SLC6A18: variants seen among roughly 807,000 people sequenced by gnomAD.
SLC6A18 encodes inactive sodium-dependent neutral amino acid transporter B(0)AT3.
A neutral mutation model predicts 62.9 loss-of-function variants in SLC6A18; 58 were observed. The observed-to-expected ratio is 0.92, with a 90% CI of 0.75 to 1.15. SLC6A18 has a LOEUF of 1.15. Ranked by LOEUF, SLC6A18 falls within the 50% of genes most tolerant of loss-of-function variation. The pLI is 0.00. For synonymous variants in SLC6A18, 382 were observed against 365.8 expected (o/e 1.04, Z -0.51); for missense variants, 793 against 836.6 (o/e 0.95, Z 0.64).
intron 4 of SLC6A18, among the ~76,000 whole-genome samples, chr5:1,236,760 T>C (rs150620845): frequency 6.9e-6 from 1 of 145,128 alleles, no homozygotes; most frequent in Non-Finnish European, 1.5e-5. Context: ...GTGCCCCATG[T>C]CCTGTGCAGT....
Position 1,232,221 on chromosome 5 carries a change from G to T in SLC6A18, c.163G>T (p.Ala55Ser). The T allele has an allele frequency of 6.2e-7, 1 of 1,611,078 alleles. No individual in the cohort carries two copies. The highest frequency in any genetic ancestry group is 8.5e-7 in the Non-Finnish European group (1 of 1,179,018). ...PYLCQTYGGGAFLIPYVIALV... is the reference protein window; with the variant it reads ...PYLCQTYGGGSFLIPYVIALV... ...TGCTGACCACCCCCTCCTCACAGGG[G>T]CCTTCCTCATCCCCTACGTCATCGC... Residue 55 changes from alanine (A) to serine (S), a missense_variant and splice_region_variant, in exon 2 of 12, where the codon GCC (alanine) becomes TCC (serine). Coordinates refer to ENST00000324642, the MANE Select transcript of SLC6A18 (RefSeq NM_182632.3).
rs747749429 is a variant in SLC6A18, at chr5:1,225,606, G to T, written c.129G>T (p.Arg43=). 12 of 1,604,334 alleles carry T rather than the reference G, an allele frequency of 7.5e-6. No individual in the cohort carries two copies. The East Asian group carries it at 8.9e-5, about 12-fold the overall frequency. The change falls in exon 1 of 12, where the codon CGG becomes CGT. Residue 43 remains arginine (R), a synonymous_variant. Transcript: ENST00000324642. Reference sequence around the variant, plus strand: ...CCGTGGGACTGGGGAACATTTGGCGGTTCCCATACCTGTGCCAGACCTATG... The same window carrying T: ...CCGTGGGACTGGGGAACATTTGGCGTTTCCCATACCTGTGCCAGACCTATG... The part of the protein sequence containing the change: ...GFAVGLGNIW[R]FPYLCQTYGG...
Position 1,244,755 on chromosome 5 carries a change from GA to G in SLC6A18, c.1646del (p.Asn549ThrfsTer?). The part of the protein sequence containing the change: ...FWKPLRYKAW[N>X]PKYELFPSRQ... ...GGAAGCCACTGAGATACAAGGCCTG[GA>G]ACCCCAAATACGTAGGTCCTTCCGG... On this transcript the variant is annotated frameshift_variant, in exon 11 of 12. Coordinates refer to ENST00000324642, the MANE Select transcript of SLC6A18 (RefSeq NM_182632.3). LOFTEE classifies it low-confidence loss of function (END_TRUNC). 6.2e-7 allele frequency: 1 copy of G among 1,607,516 alleles called. No individual in the cohort carries two copies. The highest frequency in any genetic ancestry group is 2.2e-5 in the East Asian group (1 of 44,668).
At chr5:1,239,773 A>G (rs1428736182) in intron 6 of SLC6A18, among the ~76,000 whole-genome samples, 1 of 152,206 alleles carries the variant, frequency 6.6e-6, no homozygotes, top group East Asian at 1.9e-4. Flanking sequence ...CCCAGGAACC[A>G]GGGTGTAACT....
At position 1,232,847 on chromosome 5, in the gene SLC6A18, C is replaced by T. The variant is rs143562260; in HGVS notation, c.398C>T (p.Pro133Leu). 385 of 1,613,172 alleles carry T rather than the reference C, an allele frequency of 2.4e-4. 2 individuals carry two copies. In the South Asian group the frequency reaches 2.7e-3, roughly 11 times the overall value. ...LWYLLNSFQHPLPWSSCPPDL... is the reference protein window; with the variant it reads ...LWYLLNSFQHLLPWSSCPPDL... ...TACCTCCTCAACTCCTTCCAGCACC[C>T]GCTGCCCTGGAGCTCCTGCCCACCG... Residue 133 changes from proline to leucine, a missense_variant, in exon 3 of 12, where the codon CCG becomes CTG. By Grantham distance (98) the Pro-to-Leu change is moderately conservative. Transcript: ENST00000324642.
intron 4 of SLC6A18, among the ~76,000 whole-genome samples, chr5:1,236,902 C>A (rs1746897530): frequency 6.6e-6 from 1 of 151,984 alleles, no homozygotes; most frequent in Admixed American, 6.6e-5. Context: ...AAGCAGCCAG[C>A]CAGAAATTCC....
At chr5:1,228,280 T>C (rs1316747054) in intron 1 of SLC6A18, among the ~76,000 whole-genome samples, 1 of 152,216 alleles carries the variant, frequency 6.6e-6, no homozygotes, top group East Asian at 1.9e-4. Flanking sequence ...CTTCACGCCT[T>C]GGAGGCAGTG....
At chr5:1,237,240 CAAAAAAA>C (rs61528804) in intron 4 of SLC6A18, among the ~76,000 whole-genome samples, 5 of 76,482 alleles carry the variant, frequency 6.5e-5, no homozygotes, top group Non-Finnish European at 9.6e-5. Context: ...GACTCTGTCT[CAAAAAAA>C]AAAAAAAAAA....
chr5:1,244,584 G>A, intron 10 of SLC6A18, 24 bp from the exon 11 acceptor site: 2 of 1,576,042 alleles, frequency 1.3e-6, no homozygotes, highest in Non-Finnish European at 1.7e-6. Context: ...ACCATGTGAA[G>A]CCTGAGCCCA....
At chr5:1,239,395 C>A in intron 5 of SLC6A18, 55 bp from the exon 6 acceptor site, 1 of 1,354,900 alleles carries the variant, frequency 7.4e-7, no homozygotes, top group Non-Finnish European at 1.1e-6. Context: ...CAGTCAGGGC[C>A]ACCAGCTCAT....
At chr5:1,237,403 G>A (rs1455072336) in intron 4 of SLC6A18, among the ~76,000 whole-genome samples, 2 of 152,096 alleles carry the variant, frequency 1.3e-5, no homozygotes, top group East Asian at 3.9e-4. Context: ...GTGGGAAACA[G>A]CTCTATGTGG....
chr5:1,236,268 G>T (rs1579529570), intron 4 of SLC6A18, among the ~76,000 whole-genome samples: 1 of 152,254 alleles, frequency 6.6e-6, no homozygotes, highest in African/African-American at 2.4e-5. Flanking sequence ...TCTCTAGCCT[G>T]TCATGGTCTA....
rs1164989350 is a variant in SLC6A18, at chr5:1,239,560, C to T, written c.843C>T (p.Pro281=). The T allele has an allele frequency of 6.2e-7, 1 of 1,612,738 alleles. No homozygotes were observed. ...TCGCTTTTGCAAGTTACAACTCGCC[C>T]AGGTAGGCAGTCGGGCTCAGCTGTC... ...GHIAFASYNS[P]RNDCQKDAVV... is the part of the protein sequence containing the mutation. The change falls in exon 6 of 12, where the codon CCC becomes CCT. Residue 281 remains proline, a splice_region_variant and synonymous_variant. Coordinates refer to ENST00000324642, the MANE Select transcript of SLC6A18 (RefSeq NM_182632.3).
rs1747107880 is a variant in SLC6A18 at position 1,243,100 on chromosome 5, G to T, written c.1131+237G>T. On this transcript the variant is annotated intron_variant, in intron 8 of 11. Coordinates refer to ENST00000324642, the MANE Select transcript of SLC6A18 (RefSeq NM_182632.3). The surrounding 1 kb of genome is among the most constrained non-coding windows in gnomAD (Gnocchi z 6.5). ...TGCACCCAGCAGTCTTGGGGGTTGG[G>T]CTGACCCGAGAGAGTGGGCATTGCT... 6.6e-6 allele frequency among the ~76,000 whole-genome samples: 1 copy of T among 152,248 alleles called. No homozygotes were observed. Among genetic ancestry groups the T allele is most frequent in the Non-Finnish European group, 1.5e-5 (1 of 68,040 alleles).
chr5:1,244,595 G>C lies in SLC6A18; in HGVS notation c.1497-13G>C, dbSNP rs200797582. 77 of 1,583,424 alleles carry C rather than the reference G, an allele frequency of 4.9e-5. No homozygotes were observed. The East Asian group carries it at 1.7e-3, about 35-fold the overall frequency. ...ACAGACCATGTGAAGCCTGAGCCCA[G>C]CATCTGGTGCAGGTTCTGCGATGAC... is the stretch of plus-strand genomic sequence containing the variant. On this transcript the variant is annotated splice_polypyrimidine_tract_variant and intron_variant, in intron 10 of 11. Coordinates refer to ENST00000324642, the MANE Select transcript of SLC6A18 (RefSeq NM_182632.3).
In SLC6A18 at chr5:1,225,647, C is replaced by T; in HGVS notation, c.160+10C>T. ...CAGACCTATGGAGGAGGTAAGCACC[C>T]ACCTGCGTCCTGGGGCAGACCCCTA... On this transcript the variant is annotated intron_variant, in intron 1 of 11. Coordinates refer to ENST00000324642, the MANE Select transcript of SLC6A18 (RefSeq NM_182632.3). The T allele has an allele frequency of 6.4e-7, 1 of 1,553,506 alleles. No individual in the cohort carries two copies. The highest frequency in any genetic ancestry group is 8.7e-7 in the Non-Finnish European group (1 of 1,148,798).
At chr5:1,227,658 T>A (rs1198274673) in intron 1 of SLC6A18, among the ~76,000 whole-genome samples, 3 of 152,252 alleles carry the variant, frequency 2.0e-5, no homozygotes, top group Non-Finnish European at 4.4e-5. Flanking sequence ...TTCAACTACA[T>A]AAATGTTCTC....
intron 1 of SLC6A18, among the ~76,000 whole-genome samples, chr5:1,228,354 C>T (rs1376954919): frequency 6.6e-6 from 1 of 152,204 alleles, no homozygotes; most frequent in African/African-American, 2.4e-5. Flanking sequence ...GCTCCCGGCT[C>T]GGTCTCCTTT....
Position 1,232,764 on chromosome 5 carries a change from C to G in SLC6A18, c.315C>G (p.Val105=), listed in dbSNP as rs754240938. The G allele has an allele frequency of 2.5e-6, 4 of 1,613,004 alleles. No individual in the cohort carries two copies. The South Asian group carries it at 4.4e-5, about 18-fold the overall frequency. The part of the protein sequence containing the change: ...PYLSGVGLGC[V]TLSFLISLYY... ...CCCTGTCCACAGGGCTGGGCTGTGT[C>G]ACGCTGTCCTTCCTGATCAGCCTGT... Residue 105 remains valine, a synonymous_variant, in exon 3 of 12, where the codon GTC becomes GTG. Coordinates refer to ENST00000324642, the MANE Select transcript of SLC6A18 (RefSeq NM_182632.3).
Sources: gnomAD v4.1 joint callset for allele counts (sites outside exome capture counted in the v4.1 genomes callset) on GRCh38, gnomAD v4.1.1 for gene constraint, Gnocchi (gnomAD v3.1) non-coding constraint, MANE v1.5 for transcripts, NCBI Gene and HGNC (gene_info 2026-07-23, HGNC 2026-07-21) for gene names.